Variants in EPHA7 observed in about 807,000 individuals in gnomAD.
EPHA7 encodes the protein ephrin type-A receptor 7.
A neutral mutation model predicts 112.6 loss-of-function variants in EPHA7; 25 were observed. The ratio of observed to expected loss-of-function variants is 0.22; its 90% CI spans 0.16 to 0.31. EPHA7 has a LOEUF of 0.31. EPHA7 is among the 10% of genes least tolerant of loss of function. The pLI, the probability that EPHA7 is intolerant of heterozygous loss-of-function variation, is 1.00. For synonymous variants in EPHA7, 437 were observed against 406.5 expected (o/e 1.07, Z -0.90); for missense variants, 962 against 1,212.6 (o/e 0.79, Z 3.07).
chr6:93,349,193 G>A (rs1384731642), intron 5 of EPHA7, among the ~76,000 whole-genome samples: 2 of 151,538 alleles, frequency 1.3e-5, no homozygotes, highest in African/African-American at 4.8e-5. Flanking sequence ...CATCCTTTTT[G>A]TATGTTTTAA....
At chr6:93,338,748 C>T (rs1250523727) in intron 5 of EPHA7, among the ~76,000 whole-genome samples, 1 of 151,296 alleles carries the variant, frequency 6.6e-6, no homozygotes, top group East Asian at 1.9e-4. Context: ...TTCAATTTTC[C>T]CCTTTAAAAT....
intron 16 of EPHA7, among the ~76,000 whole-genome samples, chr6:93,244,919 A>C (rs1389675711): frequency 6.6e-6 from 1 of 152,200 alleles, no homozygotes; most frequent in East Asian, 1.9e-4. Context: ...AATCTAAATA[A>C]TACAGAAGTT....
chr6:93,296,841 G>T (rs1772698253), intron 5 of EPHA7, among the ~76,000 whole-genome samples: 1 of 151,696 alleles, frequency 6.6e-6, no homozygotes, highest in South Asian at 2.1e-4. Context: ...AAATTATTTT[G>T]CCTATCACAT....
intron 3 of EPHA7, among the ~76,000 whole-genome samples, chr6:93,397,154 TA>T (rs1778219721): frequency 6.6e-6 from 1 of 151,722 alleles, no homozygotes; most frequent in Non-Finnish European, 1.5e-5. Context: ...AGAAGCCCAT[TA>T]AAAAAATACA....
intron 5 of EPHA7, among the ~76,000 whole-genome samples, chr6:93,277,115 C>A (rs1332126874): frequency 6.6e-6 from 1 of 152,156 alleles, no homozygotes; most frequent in Non-Finnish European, 1.5e-5. Flanking sequence ...TTTCATGGAA[C>A]GCTTTTCCTA....
chr6:93,287,517 G>T (rs1474518678), intron 5 of EPHA7, among the ~76,000 whole-genome samples: 1 of 149,566 alleles, frequency 6.7e-6, no homozygotes, highest in Admixed American at 6.6e-5. Flanking sequence ...TCTCCTGTCT[G>T]GTTGATTCTT....
At chr6:93,364,429 C>A (rs1464511613) in intron 3 of EPHA7, among the ~76,000 whole-genome samples, 4 of 150,466 alleles carry the variant, frequency 2.7e-5, no homozygotes, top group Admixed American at 6.7e-5. Flanking sequence ...AAGGCTGAAG[C>A]AGGAGAATCA....
chr6:93,281,995 T>A (rs1169098778), intron 5 of EPHA7, among the ~76,000 whole-genome samples: 1 of 152,032 alleles, frequency 6.6e-6, no homozygotes, highest in African/African-American at 2.4e-5. Flanking sequence ...ATATACAATT[T>A]TACATATATA....
intron 5 of EPHA7, among the ~76,000 whole-genome samples, chr6:93,326,536 TTATAAG>T (rs1282194139): frequency 6.6e-6 from 1 of 151,434 alleles, no homozygotes; most frequent in Non-Finnish European, 1.5e-5. Flanking sequence ...TCACTGAAAA[TTATAAG>T]TAGAAGCAAG....
intron 3 of EPHA7, among the ~76,000 whole-genome samples, chr6:93,402,446 CTGGAAAAATA>C (rs1453336117): frequency 1.3e-5 from 2 of 151,836 alleles, no homozygotes; most frequent in East Asian, 3.9e-4. Context: ...ATAGTTGTAC[CTGGAAAAATA>C]TACTGTGGAA....
intron 5 of EPHA7, among the ~76,000 whole-genome samples, chr6:93,306,732 T>C (rs1441685801): frequency 6.6e-6 from 1 of 151,992 alleles, no homozygotes; most frequent in Admixed American, 6.6e-5. Context: ...ACATCTCCTA[T>C]AAAAATAATC....
At chr6:93,371,057 A>G (rs948592119) in intron 3 of EPHA7, among the ~76,000 whole-genome samples, 1 of 151,686 alleles carries the variant, frequency 6.6e-6, no homozygotes, top group African/African-American at 2.4e-5. Context: ...CCAGCTACTC[A>G]GGAGGCTGAG....
In EPHA7 at chr6:93,263,919, G is replaced by A; in HGVS notation, c.1743-4C>T. On this transcript the variant is annotated splice_polypyrimidine_tract_variant and splice_region_variant and intron_variant, in intron 8 of 16. Transcript: ENST00000369303. Reference sequence around the variant, plus strand: ...AGCTTTGCTATAACCACAGTGCCTTGAAGAAAGCAAATTTGTGACAATCTC... The same window carrying A: ...AGCTTTGCTATAACCACAGTGCCTTAAAGAAAGCAAATTTGTGACAATCTC... The A allele has an allele frequency of 1.9e-6, 3 of 1,607,442 alleles. No homozygotes were observed. The highest frequency in any genetic ancestry group is 2.6e-6 in the Non-Finnish European group (3 of 1,175,886).
intron 5 of EPHA7, among the ~76,000 whole-genome samples, chr6:93,304,292 TTTA>T (rs1773143658): frequency 6.6e-6 from 1 of 151,926 alleles, no homozygotes; most frequent in African/African-American, 2.4e-5. Context: ...TTATTTGTGA[TTTA>T]TTCTCAGTTC....
chr6:93,248,022 G>A (rs2127848168), intron 14 of EPHA7, among the ~76,000 whole-genome samples: 1 of 152,070 alleles, frequency 6.6e-6, no homozygotes, highest in Non-Finnish European at 1.5e-5. Context: ...GAAGGGATCG[G>A]AGAACACTAA....
chr6:93,383,272 G>A (rs1052690643), intron 3 of EPHA7, among the ~76,000 whole-genome samples: 2 of 145,594 alleles, frequency 1.4e-5, no homozygotes, highest in African/African-American at 5.2e-5. Flanking sequence ...TCGTGTGTGT[G>A]TGTGTGTGTG....
chr6:93,296,766 C>T (rs1772695139), intron 5 of EPHA7, among the ~76,000 whole-genome samples: 1 of 151,758 alleles, frequency 6.6e-6, no homozygotes, highest in Non-Finnish European at 1.5e-5. Context: ...TACTTACATA[C>T]ATTGCCATTA....
intron 14 of EPHA7, among the ~76,000 whole-genome samples, chr6:93,248,265 T>A (rs1014187267): frequency 2.0e-5 from 3 of 152,056 alleles, no homozygotes; most frequent in Non-Finnish European, 4.4e-5. Flanking sequence ...CCTTAAAATA[T>A]AAAAGGTTGT....
intron 5 of EPHA7, among the ~76,000 whole-genome samples, chr6:93,340,204 G>A (rs1422677679): frequency 6.6e-6 from 1 of 151,726 alleles, no homozygotes; most frequent in African/African-American, 2.4e-5. Context: ...GAGTGTGTAT[G>A]TATACGTGTG....
Sources: gnomAD v4.1 joint callset for allele counts (sites outside exome capture counted in the v4.1 genomes callset) on GRCh38, gnomAD v4.1.1 for gene constraint, MANE v1.5 for transcripts, NCBI Gene and HGNC (gene_info 2026-07-23, HGNC 2026-07-21) for gene names.